STUM: variants seen among roughly 807,000 people sequenced by gnomAD.
STUM encodes protein stum homolog.
Under a neutral mutation model 15.3 loss-of-function variants are expected in STUM, and 8 were observed. The ratio of observed to expected loss-of-function variants is 0.52; its 90% confidence interval spans 0.31 to 0.94. The LOEUF (loss-of-function observed/expected upper bound fraction) is 0.94, where lower values mean the gene tolerates loss of function less well. STUM is among the 40% of genes least tolerant of loss of function. STUM has a pLI of 0.05. For synonymous variants in STUM, 78 were observed against 88.7 expected (o/e 0.88, Z 0.68); for missense variants, 142 against 204.9 (o/e 0.69, Z 1.87).
chr1:226,559,338 C>T (rs1667500013), intron 1 of STUM, among the ~76,000 whole-genome samples: 1 of 152,166 alleles, frequency 6.6e-6, no homozygotes, highest in Non-Finnish European at 1.5e-5. Context: ...GCTGCAACCC[C>T]TTCAATTTAC....
rs1667636163 is a variant in STUM, at chr1:226,567,048, A to G, written c.202+17942A>G. On this transcript the variant is annotated intron_variant, in intron 1 of 3. Coordinates refer to ENST00000366788, the MANE Select transcript of STUM (RefSeq NM_001003665.4). The surrounding 1 kb of genome is among the most constrained non-coding windows in gnomAD (Gnocchi z 4.5). ...AATCCATGTTAGGACAGAGACCTGG[A>G]TTTCTAAACAACACACTTGACACAA... is the stretch of plus-strand genomic sequence containing the variant. Among the ~76,000 whole-genome samples the G allele has an allele frequency of 6.6e-6, 1 of 152,194 alleles. No homozygotes were observed. The highest frequency in any genetic ancestry group is 2.4e-5 in the African/African-American group (1 of 41,458).
At chr1:226,553,716 TG>T (rs1667405395) in intron 1 of STUM, among the ~76,000 whole-genome samples, 2 of 152,344 alleles carry the variant, frequency 1.3e-5, no homozygotes, top group South Asian at 4.1e-4. Context: ...GGTCTGTCAT[TG>T]GAACAGTGGT....
intron 1 of STUM, among the ~76,000 whole-genome samples, chr1:226,560,543 G>A (rs997474088): frequency 6.6e-6 from 1 of 152,192 alleles, no homozygotes; most frequent in African/African-American, 2.4e-5. Context: ...CAATGAAAAT[G>A]GAATAGCACA....
Position 226,602,399 on chromosome 1 carries a change from A to C in STUM, c.*359A>C. On this transcript the variant is annotated 3_prime_UTR_variant, in exon 4 of 4. Transcript: ENST00000366788. ...CGCCACGTCTGCTGGGCCGGGCCAC[A>C]CCGGGCCCTGTCTGGGTGAGCAGGG... The C allele has an allele frequency of 7.0e-6, 2 of 287,374 alleles. No homozygotes were observed. Among genetic ancestry groups the C allele is most frequent in the Non-Finnish European group, 1.3e-5 (2 of 148,912 alleles). The allele number at this position is 287,374 out of a possible 1,614,324, so 17.8% of individuals were successfully genotyped here.
At chr1:226,553,704 A>G (rs1298264426) in intron 1 of STUM, among the ~76,000 whole-genome samples, 1 of 152,246 alleles carries the variant, frequency 6.6e-6, no homozygotes, top group Non-Finnish European at 1.5e-5. Flanking sequence ...CTAAGCGCAT[A>G]GGGTCTGTCA....
At chr1:226,561,850 T>C (rs1279250994) in intron 1 of STUM, among the ~76,000 whole-genome samples, 2 of 152,160 alleles carry the variant, frequency 1.3e-5, no homozygotes, top group African/African-American at 2.4e-5. Context: ...AGGAACCAGA[T>C]AGCATCTTGA....
chr1:226,575,410 C>T (rs16846148), intron 1 of STUM, among the ~76,000 whole-genome samples: 13,892 of 152,312 alleles, frequency 0.091, 777 homozygotes, highest in East Asian at 0.15. Context: ...CCTGGTCTGA[C>T]GCTCCAGCAG....
intron 1 of STUM, among the ~76,000 whole-genome samples, chr1:226,583,163 G>A (rs534993101): frequency 6.6e-6 from 1 of 152,052 alleles, no homozygotes; most frequent in East Asian, 1.9e-4. Flanking sequence ...TATTGGCCAA[G>A]GAAAGTCCCA....
At chr1:226,577,090 G>A (rs568313103) in intron 1 of STUM, among the ~76,000 whole-genome samples, 1 of 152,304 alleles carries the variant, frequency 6.6e-6, no homozygotes, top group East Asian at 1.9e-4. Context: ...AGGAAACCAA[G>A]GCACAGAAAG....
chr1:226,589,327 G>A (rs894183322), intron 1 of STUM, among the ~76,000 whole-genome samples: 4 of 152,124 alleles, frequency 2.6e-5, no homozygotes, highest in South Asian at 2.1e-4. Flanking sequence ...TTCTCTTCTC[G>A]TGCCTGACAG....
At chr1:226,571,274 A>G (rs944176004) in intron 1 of STUM, among the ~76,000 whole-genome samples, 13 of 150,580 alleles carry the variant, frequency 8.6e-5, no homozygotes, top group African/African-American at 3.2e-4. Flanking sequence ...CTATAGAAAA[A>G]AATTTGCATA....
intron 1 of STUM, among the ~76,000 whole-genome samples, chr1:226,574,854 C>T (rs1054701653): frequency 3.9e-5 from 6 of 152,170 alleles, no homozygotes; most frequent in African/African-American, 1.2e-4. Flanking sequence ...GGGCGTGTCT[C>T]GGGGTCAGCG....
At chr1:226,556,955 C>T (rs1285651479) in intron 1 of STUM, among the ~76,000 whole-genome samples, 1 of 152,192 alleles carries the variant, frequency 6.6e-6, no homozygotes, top group Non-Finnish European at 1.5e-5. Context: ...TATCCATCAT[C>T]TCAAATACTT....
In STUM at chr1:226,567,277, G is replaced by C. The variant is rs1396355275; in HGVS notation, c.202+18171G>C. On this transcript the variant is annotated intron_variant, in intron 1 of 3. Coordinates refer to ENST00000366788, the MANE Select transcript of STUM (RefSeq NM_001003665.4). The surrounding 1 kb of genome is among the most constrained non-coding windows in gnomAD (Gnocchi z 4.5). ...GTCCTGGAGCTATCCAACGGGTGGT[G>C]ACGGCCCCGCGGGCTCTTTTCTCAA... Among the ~76,000 whole-genome samples the C allele has an allele frequency of 6.6e-6, 1 of 152,214 alleles. No individual in the cohort carries two copies. The highest frequency in any genetic ancestry group is 1.5e-5 in the Non-Finnish European group (1 of 68,044).
At chr1:226,591,111 C>T (rs1254764153) in intron 1 of STUM, among the ~76,000 whole-genome samples, 1 of 152,236 alleles carries the variant, frequency 6.6e-6, no homozygotes, top group East Asian at 1.9e-4. Flanking sequence ...AAACAATTAA[C>T]ACCTCTTCGT....
intron 1 of STUM, among the ~76,000 whole-genome samples, chr1:226,576,066 C>A (rs769617076): frequency 6.6e-6 from 1 of 152,270 alleles, no homozygotes; most frequent in Non-Finnish European, 1.5e-5. Context: ...GCCTCAGACG[C>A]GGCTCTGTCT....
Position 226,608,930 on chromosome 1 carries a change from A to G in STUM, c.*6890A>G, listed in dbSNP as rs1668406805. 2 of 152,250 alleles carry G rather than the reference A, an allele frequency of 1.3e-5. No individual in the cohort carries two copies. The highest frequency in any genetic ancestry group is 4.8e-5 in the African/African-American group (2 of 41,452). 9.4% of individuals were successfully genotyped at this position (152,250 alleles called of 1,614,324 possible). On this transcript the variant is annotated 3_prime_UTR_variant, in exon 4 of 4. Transcript: ENST00000366788. The surrounding 1 kb of genome is among the most constrained non-coding windows in gnomAD (Gnocchi z 4.0). ...CCACAGCGCCCTCTAGGGGCCAAGC[A>G]GGGTTCCAGATTCTCCAGCCTTCTG...
rs1337015493 is a variant in STUM, at chr1:226,602,981, A to G, written c.*941A>G. 1 of 152,236 alleles carries G rather than the reference A, an allele frequency of 6.6e-6. No individual in the cohort carries two copies. Among genetic ancestry groups the G allele is most frequent in the African/African-American group, 2.4e-5 (1 of 41,458 alleles). The allele number at this position is 152,236 out of a possible 1,614,324, so 9.4% of individuals were successfully genotyped here. On this transcript the variant is annotated 3_prime_UTR_variant, in exon 4 of 4. Coordinates refer to ENST00000366788, the MANE Select transcript of STUM (RefSeq NM_001003665.4). ...CAGAGTGTGGAACATCTCGCCTACC[A>G]TCAGGCACGTGAATATTTCTGCAGA...
intron 1 of STUM, among the ~76,000 whole-genome samples, chr1:226,579,483 C>G (rs556272924): frequency 9.9e-5 from 15 of 152,206 alleles, no homozygotes; most frequent in East Asian, 1.9e-4. Context: ...TAATCCCACC[C>G]GCAAGTGTGA....
Sources: gnomAD v4.1 joint callset for allele counts (sites outside exome capture counted in the v4.1 genomes callset) on GRCh38, gnomAD v4.1.1 for gene constraint, Gnocchi (gnomAD v3.1) non-coding constraint, MANE v1.5 for transcripts, NCBI Gene and HGNC (gene_info 2026-07-23, HGNC 2026-07-21) for gene names.